Variants in DDX10 observed in about 807,000 individuals in gnomAD.
DDX10 encodes probable ATP-dependent RNA helicase DDX10.
Under a neutral mutation model 104.3 loss-of-function variants are expected in DDX10, and 74 were observed. The observed-to-expected ratio is 0.71, with a 90% CI of 0.59 to 0.86. DDX10 has a LOEUF of 0.86. Among genes scored for constraint, DDX10 ranks in the 40% least tolerant of loss-of-function variants. The pLI is 0.00. For synonymous variants in DDX10, 351 were observed against 353.4 expected (o/e 0.99, Z 0.08); for missense variants, 952 against 1,040.0 (o/e 0.92, Z 1.16).
At chr11:108,885,245 T>C (rs761503590) in intron 16 of DDX10, among the ~76,000 whole-genome samples, 4 of 152,154 alleles carry the variant, frequency 2.6e-5, no homozygotes, top group Admixed American at 6.5e-5. Context: ...TATCTAATCT[T>C]GTCATTCTCC....
At chr11:108,712,008 A>G (rs2094285112) in intron 10 of DDX10, among the ~76,000 whole-genome samples, 1 of 152,228 alleles carries the variant, frequency 6.6e-6, no homozygotes, top group African/African-American at 2.4e-5. Context: ...CTATACGTTA[A>G]GGATTGTTGC....
chr11:108,820,830 G>A (rs1475221762), intron 13 of DDX10, among the ~76,000 whole-genome samples: 2 of 152,170 alleles, frequency 1.3e-5, no homozygotes, highest in Admixed American at 6.5e-5. Flanking sequence ...ATTGCCTAGG[G>A]CCTGTGAATC....
chr11:108,832,054 T>C (rs763961427), intron 13 of DDX10, among the ~76,000 whole-genome samples: 6 of 152,172 alleles, frequency 3.9e-5, no homozygotes, highest in Non-Finnish European at 7.4e-5. Flanking sequence ...TTCATTGTAT[T>C]TCTTAGGGCT....
intron 16 of DDX10, among the ~76,000 whole-genome samples, chr11:108,902,919 AT>A (rs1863537306): frequency 6.6e-6 from 1 of 152,010 alleles, no homozygotes; most frequent in Admixed American, 6.6e-5. Flanking sequence ...AAATTTTTTT[AT>A]TTTTTAAATA....
At chr11:108,840,647 G>A (rs1486430757) in intron 14 of DDX10, among the ~76,000 whole-genome samples, 1 of 152,164 alleles carries the variant, frequency 6.6e-6, no homozygotes, top group African/African-American at 2.4e-5. Context: ...AACTGTATGT[G>A]TAAAATATGT....
intron 13 of DDX10, among the ~76,000 whole-genome samples, chr11:108,803,791 T>C (rs117473679): frequency 1.3e-5 from 2 of 152,306 alleles, no homozygotes; most frequent in Non-Finnish European, 2.9e-5. Flanking sequence ...AATGTGTTGG[T>C]TATAAAGTGA....
In DDX10 at chr11:108,796,378, T is replaced by C. The variant is rs562390832; in HGVS notation, c.1966-42068T>C. ...ATCCTTTCATCTTCCAGCAAACATATGCTTTTGGGGACAGATTTATTATTT... is the reference window on the plus strand; with the variant it reads ...ATCCTTTCATCTTCCAGCAAACATACGCTTTTGGGGACAGATTTATTATTT... On this transcript the variant is annotated intron_variant, in intron 13 of 17. Transcript: ENST00000322536. Among the ~76,000 whole-genome samples, 3 of 152,238 alleles carry C rather than the reference T, an allele frequency of 2.0e-5. No individual in the cohort carries two copies. The East Asian group carries it at 5.8e-4, about 29-fold the overall frequency.
At chr11:108,778,177 G>T (rs1402893469) in intron 13 of DDX10, among the ~76,000 whole-genome samples, 2 of 152,118 alleles carry the variant, frequency 1.3e-5, no homozygotes, top group African/African-American at 4.8e-5. Context: ...TTTCTTCACA[G>T]AATTGGAAAA....
chr11:108,700,113 T>C (rs1323763403), intron 9 of DDX10, among the ~76,000 whole-genome samples: 1 of 152,160 alleles, frequency 6.6e-6, no homozygotes, highest in Admixed American at 6.5e-5. Context: ...ATTAATATGT[T>C]TTCTAGGAGA....
At chr11:108,678,870 ATTTTTTTTTTTTTT>A (rs769948315) in intron 5 of DDX10, among the ~76,000 whole-genome samples, 6 of 92,710 alleles carry the variant, frequency 6.5e-5, no homozygotes, top group African/African-American at 2.9e-4. Context: ...GTTTCCCCTA[ATTTTTTTTTTTTTT>A]TTTTTTTTTT....
chr11:108,852,955 C>T (rs1157256669), intron 16 of DDX10, among the ~76,000 whole-genome samples: 1 of 152,158 alleles, frequency 6.6e-6, no homozygotes, highest in African/African-American at 2.4e-5. Flanking sequence ...CTCCAACTCC[C>T]TTGAGGAAGC....
At chr11:108,694,459 T>A (rs997453330) in intron 9 of DDX10, among the ~76,000 whole-genome samples, 2 of 152,190 alleles carry the variant, frequency 1.3e-5, no homozygotes, top group Non-Finnish European at 2.9e-5. Flanking sequence ...CTCTTTTTCC[T>A]TTCTTCCTAG....
chr11:108,856,696 G>C (rs1440635398), intron 16 of DDX10, among the ~76,000 whole-genome samples: 1 of 151,960 alleles, frequency 6.6e-6, no homozygotes, highest in African/African-American at 2.4e-5. Context: ...TTTTTAAAAA[G>C]TCTTATTATT....
intron 13 of DDX10, chr11:108,822,319 G>A: frequency 9.3e-6 from 3 of 322,196 alleles, no homozygotes; most frequent in South Asian, 3.1e-5. Flanking sequence ...AATAAATAAG[G>A]CAGTGGCCAG....
At chr11:108,814,528 A>G (rs1238581345) in intron 13 of DDX10, among the ~76,000 whole-genome samples, 1 of 152,114 alleles carries the variant, frequency 6.6e-6, no homozygotes, top group Non-Finnish European at 1.5e-5. Context: ...TTTATGCATC[A>G]TAGATTACCA....
chr11:108,739,595 C>A (rs1196825892), intron 13 of DDX10, among the ~76,000 whole-genome samples: 4 of 152,178 alleles, frequency 2.6e-5, no homozygotes, highest in Admixed American at 2.6e-4. Flanking sequence ...GTGAATAAAT[C>A]ATTAGAAGCT....
chr11:108,832,619 C>G (rs2134588292), intron 13 of DDX10, among the ~76,000 whole-genome samples: 3 of 152,330 alleles, frequency 2.0e-5, no homozygotes, highest in Middle Eastern at 6.8e-3. Context: ...TACTCTGTTT[C>G]ACCTAGTTGA....
intron 15 of DDX10, among the ~76,000 whole-genome samples, chr11:108,844,406 C>T (rs950623805): frequency 1.3e-5 from 2 of 152,128 alleles, no homozygotes; most frequent in South Asian, 2.1e-4. Context: ...ACTTTGCAGT[C>T]GTGAGTACTG....
chr11:108,863,321 A>G (rs1038954997), intron 16 of DDX10, among the ~76,000 whole-genome samples: 4 of 152,192 alleles, frequency 2.6e-5, no homozygotes, highest in Non-Finnish European at 5.9e-5. Context: ...TGCTGCAGAA[A>G]TGGTATATAC....
Sources: allele counts gnomAD v4.1 joint callset (sites outside exome capture counted in the v4.1 genomes callset), GRCh38; gene constraint gnomAD v4.1.1; transcripts MANE v1.5; gene names NCBI Gene and HGNC (gene_info 2026-07-23, HGNC 2026-07-21).